CDC37: variants seen among roughly 807,000 people sequenced by gnomAD.
CDC37 encodes hsp90 co-chaperone Cdc37.
In CDC37, 9 loss-of-function variants were observed where a neutral mutation model predicts 46.9. The ratio of observed to expected loss-of-function variants is 0.19; its 90% CI spans 0.12 to 0.33. The LOEUF is 0.33. Among genes scored for constraint, CDC37 ranks in the 10% least tolerant of loss-of-function variants. CDC37 has a pLI of 1.00. For synonymous variants in CDC37, 193 were observed against 191.0 expected (o/e 1.01, Z -0.09); for missense variants, 388 against 514.6 (o/e 0.75, Z 2.38).
chr19:10,400,726 CTA>C (rs2042514456), intron 1 of CDC37: 2 of 151,950 alleles, frequency 1.3e-5, no homozygotes, highest in Admixed American at 1.3e-4. Context: ...CAAGGTCTTG[CTA>C]TGTTGCTCAG....
rs2042456410 is a variant in CDC37 at position 10,391,507 on chromosome 19, C to T, written c.*44G>A. On this transcript the variant is annotated 3_prime_UTR_variant, in exon 8 of 8. Coordinates refer to ENST00000222005, the MANE Select transcript of CDC37 (RefSeq NM_007065.4). ...CATCTATCTGTTTTCTGAAAAGGGG[C>T]ACATAGGGGCCTGGAAGCAGGTGGC... The T allele has an allele frequency of 6.2e-7, 1 of 1,609,636 alleles. No homozygotes were observed.
At chr19:10,401,300 G>A (rs2042517176) in intron 1 of CDC37, among the ~76,000 whole-genome samples, 2 of 152,206 alleles carry the variant, frequency 1.3e-5, no homozygotes, top group South Asian at 4.1e-4. Flanking sequence ...ACCCAAGCTT[G>A]CCTGTCCTTG....
At position 10,395,940 on chromosome 19, in the gene CDC37, G is replaced by A. The variant is rs967064266; in HGVS notation, c.366C>T (p.Asp122=). ...CCGCCCCGCACACCTTGCTGAAGCCGTCTTTGCTGAGCGTGTCCACGTTCC... is the reference window on the plus strand; with the variant it reads ...CCGCCCCGCACACCTTGCTGAAGCCATCTTTGCTGAGCGTGTCCACGTTCC... ...MPWNVDTLSK[D]GFSKSMVNTK... Residue 122 remains aspartate, a synonymous_variant, in exon 2 of 8, where the codon GAC becomes GAT. Transcript: ENST00000222005. 26 of 1,175,108 alleles carry A rather than the reference G, an allele frequency of 2.2e-5. No homozygotes were observed. The highest frequency in any genetic ancestry group is 2.3e-4 in the Middle Eastern group (1 of 4,442). The allele number at this position is 1,175,108 out of a possible 1,614,324, so 72.8% of individuals were successfully genotyped here.
Position 10,391,683 on chromosome 19 carries a change from G to A in CDC37, c.1005C>T (p.Arg335=). The change falls in exon 8 of 8, where the codon CGC becomes CGT. Residue 335 remains arginine (R), a synonymous_variant. Transcript: ENST00000222005. The stretch of plus-strand genomic sequence containing the variant: ...GGACCCAGAGGCCAGAGTCAATGCA[G>A]CGCTGCATGTGGTACTTTGCGTCCT... ...DPTDAKYHMQ[R]CIDSGLWVPN... is the part of the protein sequence containing the mutation. The A allele has an allele frequency of 1.2e-6, 2 of 1,613,862 alleles. No homozygotes were observed. Among genetic ancestry groups the A allele is most frequent in the Non-Finnish European group, 1.7e-6 (2 of 1,179,930 alleles).
chr19:10,393,096 A>G lies in CDC37; in HGVS notation c.971T>C (p.Met324Thr). Residue 324 changes from methionine to threonine, a missense_variant, in exon 7 of 8, where the codon ATG (methionine) becomes ACG (threonine). Met to Thr is a moderately conservative substitution (Grantham distance 81, BLOSUM62 -1). Around this residue, in one of 2 missense-constraint regions of CDC37, gnomAD observed 374 missense variants for 467.4 expected, o/e 0.80. Coordinates refer to ENST00000222005, the MANE Select transcript of CDC37 (RefSeq NM_007065.4). This position sits in a 1 kb window ranked among gnomAD's most constrained non-coding sequence, Gnocchi z 4.9. ...VQMLQDAISK[M>T]DPTDAKYHMQ... ...GCGGGGGTTACTCACGGTGGGGTCCATCTTGCTGATGGCGTCCTGCAGCAT... is the reference window on the plus strand; with the variant it reads ...GCGGGGGTTACTCACGGTGGGGTCCGTCTTGCTGATGGCGTCCTGCAGCAT... 1 of 1,613,996 alleles carries G rather than the reference A, an allele frequency of 6.2e-7. No individual in the cohort carries two copies. The highest frequency in any genetic ancestry group is 8.5e-7 in the Non-Finnish European group (1 of 1,179,956).
In CDC37 at chr19:10,393,888, G is replaced by A. The variant is rs1012481520; in HGVS notation, c.727-447C>T. 7.0e-5 allele frequency: 11 copies of A among 156,604 alleles called. No homozygotes were observed. The highest frequency in any genetic ancestry group is 1.9e-4 in the African/African-American group (8 of 41,522). 9.7% of individuals were successfully genotyped at this position (156,604 alleles called of 1,614,324 possible). On this transcript the variant is annotated intron_variant, in intron 5 of 7. Transcript: ENST00000222005. This position sits in a 1 kb window ranked among gnomAD's most constrained non-coding sequence, Gnocchi z 4.9. ...GGGCGGATCACGAGGTCAGGAGTTC[G>A]AAAACATCCTGGCTAACACGGTGAA...
intron 1 of CDC37, among the ~76,000 whole-genome samples, chr19:10,400,874 G>T (rs1042382129): frequency 6.6e-6 from 1 of 151,610 alleles, no homozygotes; most frequent in East Asian, 1.9e-4. Flanking sequence ...TTTAAATGAT[G>T]ATGATGATAA....
chr19:10,397,558 G>A (rs751380772), intron 1 of CDC37, among the ~76,000 whole-genome samples: 14 of 151,608 alleles, frequency 9.2e-5, no homozygotes, highest in African/African-American at 1.5e-4. Flanking sequence ...TTACAGGCAC[G>A]CGCCACCACG....
chr19:10,395,882 T>C (rs776891563), intron 2 of CDC37, 46 bp downstream of exon 2: 4 of 1,593,164 alleles, frequency 2.5e-6, no homozygotes, highest in Non-Finnish European at 3.4e-6. Context: ...GGTTGCAGGC[T>C]CTCTGGCTGC....
At position 10,399,898 on chromosome 19, in the gene CDC37, C is replaced by T. The variant is rs1488493523; in HGVS notation, c.102+3480G>A. Among the ~76,000 whole-genome samples the T allele has an allele frequency of 4.2e-5, 6 of 142,920 alleles. No homozygotes were observed. In the South Asian group the frequency reaches 1.4e-3, roughly 32 times the overall value. 93.8% of individuals were successfully genotyped at this position (142,920 alleles called of 152,430 possible). On this transcript the variant is annotated intron_variant, in intron 1 of 7. Coordinates refer to ENST00000222005, the MANE Select transcript of CDC37 (RefSeq NM_007065.4). ...AGTGAGCCGAGATGGCACCACTGCA[C>T]TCCTGTCTGGGCAACAGAGTGAGAC...
At chr19:10,402,393 G>A (rs776510286) in intron 1 of CDC37, among the ~76,000 whole-genome samples, 7 of 152,048 alleles carry the variant, frequency 4.6e-5, no homozygotes, top group Non-Finnish European at 8.8e-5. Context: ...ATCAGACCAG[G>A]AGAGTCCCTG....
chr19:10,402,946 C>CT (rs2042527675), intron 1 of CDC37, among the ~76,000 whole-genome samples: 1 of 151,674 alleles, frequency 6.6e-6, no homozygotes, highest in South Asian at 2.1e-4. Flanking sequence ...GGGGTCCAGA[C>CT]TACGGAGGTG....
At position 10,393,170 on chromosome 19, in the gene CDC37, AG is replaced by A. The variant is rs2042467414; in HGVS notation, c.910-14del. ...ACTTCTGGAGTTCCTGGGGGTACAG[AG>A]GGGCTGGGGTCAGGGGCTGGGTCCC... On this transcript the variant is annotated splice_polypyrimidine_tract_variant and intron_variant, in intron 6 of 7. Coordinates refer to ENST00000222005, the MANE Select transcript of CDC37 (RefSeq NM_007065.4). The surrounding 1 kb of genome is among the most constrained non-coding windows in gnomAD (Gnocchi z 4.9). 6.2e-7 allele frequency: 1 copy of A among 1,610,678 alleles called. No homozygotes were observed. Among genetic ancestry groups the A allele is most frequent in the African/African-American group, 1.3e-5 (1 of 74,322 alleles).
In CDC37 at chr19:10,391,353, T is replaced by G; in HGVS notation, c.*198A>C. 1 of 644,810 alleles carries G rather than the reference T, an allele frequency of 1.6e-6. No homozygotes were observed. Among genetic ancestry groups the G allele is most frequent in the Non-Finnish European group, 2.7e-6 (1 of 366,880 alleles). 39.9% of individuals were successfully genotyped at this position (644,810 alleles called of 1,614,324 possible). A position where few individuals can be genotyped will look rare whatever the true frequency, so the allele number is the denominator to read the frequency against. On this transcript the variant is annotated 3_prime_UTR_variant, in exon 8 of 8. Coordinates refer to ENST00000222005, the MANE Select transcript of CDC37 (RefSeq NM_007065.4). ...GGGGGGCTGCAGGCAGTGAAGCCCC[T>G]TGACTCAAAGCAGAGACTTGAATGG...
At position 10,391,713 on chromosome 19, in the gene CDC37, G is replaced by A. The variant is rs2145415092; in HGVS notation, c.982-7C>T. The A allele has an allele frequency of 1.9e-6, 3 of 1,609,986 alleles. No homozygotes were observed. Among genetic ancestry groups the A allele is most frequent in the East Asian group, 4.5e-5 (2 of 44,808 alleles). ...GCATGTGGTACTTTGCGTCCTGTGA[G>A]GAGAAGGCAGGCAGATGAGGTGGGG... On this transcript the variant is annotated splice_polypyrimidine_tract_variant and splice_region_variant and intron_variant, in intron 7 of 7. Transcript: ENST00000222005.
intron 1 of CDC37, among the ~76,000 whole-genome samples, chr19:10,403,112 G>A (rs1476456917): frequency 6.6e-6 from 1 of 152,134 alleles, no homozygotes; most frequent in Non-Finnish European, 1.5e-5. Flanking sequence ...TCGTCTAGGG[G>A]ACTCCAGACT....
chr19:10,397,014 C>T (rs1435703576), intron 1 of CDC37, among the ~76,000 whole-genome samples: 1 of 152,192 alleles, frequency 6.6e-6, no homozygotes, highest in African/African-American at 2.4e-5. Flanking sequence ...GACCCCTTCC[C>T]CAACCACCTT....
At position 10,393,437 on chromosome 19, in the gene CDC37, G is replaced by T. The variant is rs751893796; in HGVS notation, c.731C>A (p.Ala244Asp). ...FRQFFTKIKT[A>D]DRQYMEGFND... ...GAAGCCCTCCATGTACTGGCGATCG[G>T]CTGTCTATGGGGGTTGGGCAGTGCT... is the stretch of plus-strand genomic sequence containing the variant. The change falls in exon 6 of 8, where the codon GCC (alanine) becomes GAC (aspartate). Residue 244 changes from alanine to aspartate, a missense_variant. Transcript: ENST00000222005. The surrounding 1 kb of genome is among the most constrained non-coding windows in gnomAD (Gnocchi z 4.9). 5.0e-6 allele frequency: 8 copies of T among 1,610,788 alleles called. No homozygotes were observed. In the Middle Eastern group the frequency reaches 1.3e-3, roughly 271 times the overall value.
Position 10,398,693 on chromosome 19 carries a change from A to ATC in CDC37, c.103-2492_103-2491dup, listed in dbSNP as rs140383314. Among the ~76,000 whole-genome samples, 8 of 151,610 alleles carry ATC rather than the reference A, an allele frequency of 5.3e-5. No individual in the cohort carries two copies. Among genetic ancestry groups the ATC allele is most frequent in the Admixed American group, 1.3e-4 (2 of 15,226 alleles). ...TCATTACCATCTGTGCAAGAGAACA[A>ATC]TCTCTCTCTCTCTCTGGGGACCACT... On this transcript the variant is annotated intron_variant, in intron 1 of 7. Transcript: ENST00000222005. The surrounding 1 kb of genome is among the most constrained non-coding windows in gnomAD (Gnocchi z 4.2).
Sources: gnomAD v4.1 joint callset for allele counts (sites outside exome capture counted in the v4.1 genomes callset) on GRCh38, gnomAD v4.1.1 for gene constraint, gnomAD v4.1.1 regional missense constraint, Gnocchi (gnomAD v3.1) non-coding constraint, MANE v1.5 for transcripts, NCBI Gene and HGNC (gene_info 2026-07-23, HGNC 2026-07-21) for gene names.